GMDS: variants seen among roughly 807,000 people sequenced by gnomAD.
The protein encoded by GMDS is GDP-mannose 4,6 dehydratase.
Under a neutral mutation model 49.9 loss-of-function variants are expected in GMDS, and 20 were observed. That is an observed-to-expected ratio of 0.40 (90% CI 0.28 to 0.58). The LOEUF is 0.58. Ranked by LOEUF, GMDS falls within the 20% of genes least tolerant of loss-of-function variation. The probability of loss-of-function intolerance (pLI) is 0.42; values close to 1 mark genes in which losing one functional copy is unlikely to be tolerated. For missense variants in GMDS, 362 were observed against 481.4 expected, an observed-to-expected ratio of 0.75 and a Z score of 2.32; for synonymous variants, 177 against 178.6, an observed-to-expected ratio of 0.99 and a Z score of 0.07.
chr6:1,914,349 G>C (rs1761259087), intron 7 of GMDS, among the ~76,000 whole-genome samples: 1 of 151,016 alleles, frequency 6.6e-6, no homozygotes, highest in African/African-American at 2.4e-5. Context: ...CCAGCTACTT[G>C]GGAGGCGTAG....
chr6:2,142,676 A>C (rs944838977), intron 1 of GMDS, among the ~76,000 whole-genome samples: 1 of 152,184 alleles, frequency 6.6e-6, no homozygotes, highest in African/African-American at 2.4e-5. Context: ...TGAACCACCC[A>C]GTCTGTGGTA....
intron 4 of GMDS, among the ~76,000 whole-genome samples, chr6:2,073,266 C>A (rs1772121764): frequency 1.3e-5 from 2 of 152,164 alleles, no homozygotes; most frequent in Non-Finnish European, 2.9e-5. Context: ...CATCAGTCTG[C>A]AGAATAAAAA....
At chr6:2,113,315 T>C (rs910280234) in intron 4 of GMDS, among the ~76,000 whole-genome samples, 8 of 151,978 alleles carry the variant, frequency 5.3e-5, no homozygotes, top group African/African-American at 1.7e-4. Flanking sequence ...AGTGACACCA[T>C]CCTCATCCAG....
intron 7 of GMDS, among the ~76,000 whole-genome samples, chr6:1,785,502 T>C (rs1394611506): frequency 2.0e-5 from 3 of 152,322 alleles, no homozygotes; most frequent in East Asian, 1.9e-4. Flanking sequence ...TTCACTCCTA[T>C]GTCTGGAGGT....
intron 7 of GMDS, among the ~76,000 whole-genome samples, chr6:1,784,390 CAAAAA>C (rs780517217): frequency 2.5e-5 from 1 of 40,482 alleles, no homozygotes; most frequent in African/African-American, 9.1e-5. Context: ...AGACTCGTCT[CAAAAA>C]AAAAAAAAAA....
chr6:1,637,776 G>A (rs1049628814), intron 9 of GMDS, among the ~76,000 whole-genome samples: 1 of 152,180 alleles, frequency 6.6e-6, no homozygotes, highest in Admixed American at 6.5e-5. Context: ...TTAGACAAGG[G>A]TTCCCCGAGG....
chr6:1,995,926 C>T (rs1184842499), intron 4 of GMDS, among the ~76,000 whole-genome samples: 1 of 152,062 alleles, frequency 6.6e-6, no homozygotes, highest in Non-Finnish European at 1.5e-5. Flanking sequence ...CGCTAGGTGG[C>T]AAATAGACAC....
In GMDS at chr6:1,642,153, CTTTTTTTTTTTTT is replaced by C. The variant is rs543577735; in HGVS notation, c.988-17626_988-17614del. Among the ~76,000 whole-genome samples the C allele has an allele frequency of 7.2e-5, 8 of 110,774 alleles. No homozygotes were observed. In the East Asian group the frequency reaches 9.0e-4, roughly 12 times the overall value. 72.7% of individuals were successfully genotyped at this position (110,774 alleles called of 152,430 possible). ...CTCTTGAAATCTGGGCAGTTTCCAT[CTTTTTTTTTTTTT>C]TTTTTTTTTTTTAAGAAAAAAATAG... On this transcript the variant is annotated intron_variant, in intron 9 of 10. Transcript: ENST00000380815.
At chr6:2,131,280 A>T (rs1377908256) in intron 1 of GMDS, among the ~76,000 whole-genome samples, 1 of 152,212 alleles carries the variant, frequency 6.6e-6, no homozygotes, top group East Asian at 1.9e-4. Context: ...CTATAAGAAA[A>T]ATGAGACTAA....
At chr6:1,684,133 C>G (rs1006583062) in intron 9 of GMDS, among the ~76,000 whole-genome samples, 2 of 152,144 alleles carry the variant, frequency 1.3e-5, no homozygotes, top group African/African-American at 4.8e-5. Context: ...TCTCTTCAGG[C>G]CTCAGCTTCC....
At chr6:2,215,973 T>C (rs1478167613) in intron 1 of GMDS, among the ~76,000 whole-genome samples, 1 of 152,168 alleles carries the variant, frequency 6.6e-6, no homozygotes, top group East Asian at 1.9e-4. Context: ...GTAAAAAATT[T>C]GGAAGGGGAT....
chr6:2,002,145 G>A (rs1350158169), intron 4 of GMDS, among the ~76,000 whole-genome samples: 1 of 152,120 alleles, frequency 6.6e-6, no homozygotes, highest in African/African-American at 2.4e-5. Flanking sequence ...ATAAAGTTCT[G>A]GAATCACATT....
chr6:1,749,872 C>T (rs1479634489), intron 7 of GMDS, among the ~76,000 whole-genome samples: 1 of 152,118 alleles, frequency 6.6e-6, no homozygotes, highest in African/African-American at 2.4e-5. Flanking sequence ...TACCCTGTCA[C>T]CCAGACTGTA....
intron 9 of GMDS, among the ~76,000 whole-genome samples, chr6:1,694,119 T>G (rs1765261121): frequency 6.6e-6 from 1 of 152,212 alleles, no homozygotes; most frequent in African/African-American, 2.4e-5. Flanking sequence ...TTAAAATACA[T>G]AATTCTCTGA....
At chr6:2,052,490 G>T (rs1014201309) in intron 4 of GMDS, among the ~76,000 whole-genome samples, 1 of 152,166 alleles carries the variant, frequency 6.6e-6, no homozygotes. Context: ...GGTCCTGAAG[G>T]CAAAGAGAAT....
intron 9 of GMDS, among the ~76,000 whole-genome samples, chr6:1,654,375 A>G (rs1763805724): frequency 6.6e-6 from 1 of 152,252 alleles, no homozygotes; most frequent in Non-Finnish European, 1.5e-5. Flanking sequence ...CCGTTGACAG[A>G]TTAATGAATC....
chr6:2,211,673 C>A (rs2127583193), intron 1 of GMDS, among the ~76,000 whole-genome samples: 1 of 152,056 alleles, frequency 6.6e-6, no homozygotes, highest in East Asian at 1.9e-4. Flanking sequence ...TTTTTAACTC[C>A]CAAAGAACAC....
At chr6:2,022,878 T>C (rs1768362605) in intron 4 of GMDS, among the ~76,000 whole-genome samples, 1 of 152,310 alleles carries the variant, frequency 6.6e-6, no homozygotes. Flanking sequence ...ATAAGCCCTC[T>C]GTCTGAGGAA....
intron 9 of GMDS, among the ~76,000 whole-genome samples, chr6:1,671,841 T>C (rs556828707): frequency 6.6e-6 from 1 of 152,090 alleles, no homozygotes; most frequent in East Asian, 1.9e-4. Flanking sequence ...ATTTTTGTAT[T>C]TTTAGTAGAG....
Sources: allele counts gnomAD v4.1 joint callset (sites outside exome capture counted in the v4.1 genomes callset), GRCh38; gene constraint gnomAD v4.1.1; transcripts MANE v1.5; gene names NCBI Gene and HGNC (gene_info 2026-07-23, HGNC 2026-07-21).